RBFOX1: variants seen among roughly 807,000 people sequenced by gnomAD.
RBFOX1 encodes RNA binding protein fox-1 homolog 1.
A neutral mutation model predicts 57.7 loss-of-function variants in RBFOX1; 8 were observed. The observed-to-expected ratio is 0.14, with a 90% CI of 0.08 to 0.25. The LOEUF (loss-of-function observed/expected upper bound fraction) is 0.25, where lower values mean the gene tolerates loss of function less well. RBFOX1 is among the 10% of genes least tolerant of loss of function. The pLI, the probability that RBFOX1 is intolerant of heterozygous loss-of-function variation, is 1.00. For missense variants in RBFOX1, 611 were observed against 548.5 expected (o/e 1.11, Z -1.14); for synonymous variants, 326 against 222.4 (o/e 1.47, Z -4.15).
intron 14 of RBFOX1, among the ~76,000 whole-genome samples, chr16:7,706,872 G>C (rs1002537100): frequency 1.3e-5 from 2 of 152,104 alleles, no homozygotes; most frequent in Non-Finnish European, 2.9e-5. Flanking sequence ...TAAAGGCCCA[G>C]GTCTCAGGAG....
chr16:6,183,486 T>TAAATAAA (rs2097081938), intron 1 of RBFOX1, among the ~76,000 whole-genome samples: 1 of 140,864 alleles, frequency 7.1e-6, no homozygotes, highest in Non-Finnish European at 1.5e-5. Flanking sequence ...TCTAAAAAAA[T>TAAATAAA]TAAATAAATA....
chr16:5,538,877 C>T (rs937077084), intron 2 of RBFOX1, among the ~76,000 whole-genome samples: 1 of 152,150 alleles, frequency 6.6e-6, no homozygotes, highest in Non-Finnish European at 1.5e-5. Flanking sequence ...CTGCCCACCT[C>T]AGCCAGTGGC....
chr16:6,570,092 C>T (rs932501079), intron 2 of RBFOX1, among the ~76,000 whole-genome samples: 2 of 152,072 alleles, frequency 1.3e-5, no homozygotes, highest in South Asian at 4.2e-4. Context: ...TTGACAGTGC[C>T]GTTTAAATAA....
intron 3 of RBFOX1, among the ~76,000 whole-genome samples, chr16:6,801,546 T>A (rs989304619): frequency 4.6e-5 from 7 of 151,940 alleles, no homozygotes; most frequent in African/African-American, 1.7e-4. Context: ...GCCCTTGAAA[T>A]TTAGGGTGCA....
chr16:7,258,110 C>T (rs750247998), intron 4 of RBFOX1, among the ~76,000 whole-genome samples: 1 of 152,168 alleles, frequency 6.6e-6, no homozygotes, highest in Non-Finnish European at 1.5e-5. Flanking sequence ...AATGCCTTTT[C>T]ATAATTCACT....
intron 2 of RBFOX1, among the ~76,000 whole-genome samples, chr16:5,531,313 G>A (rs958728344): frequency 7.9e-5 from 12 of 152,162 alleles, no homozygotes; most frequent in Middle Eastern, 3.4e-3. Flanking sequence ...ACTTCACATT[G>A]TTAAATCCTG....
At chr16:7,333,329 A>G (rs551245451) in intron 4 of RBFOX1, among the ~76,000 whole-genome samples, 1 of 152,310 alleles carries the variant, frequency 6.6e-6, no homozygotes, top group South Asian at 2.1e-4. Flanking sequence ...CTGCTATTTA[A>G]CATTCATGTC....
chr16:7,242,860 A>G (rs2094133666), intron 4 of RBFOX1, among the ~76,000 whole-genome samples: 1 of 152,092 alleles, frequency 6.6e-6, no homozygotes, highest in Admixed American at 6.6e-5. Flanking sequence ...CTGGTGAGAG[A>G]GATATGGAGT....
At position 5,724,281 on chromosome 16, in the gene RBFOX1, C is replaced by G. The variant is rs145445019; in HGVS notation, c.318+125320C>G. Among the ~76,000 whole-genome samples the G allele has an allele frequency of 3.7e-3, 559 of 152,254 alleles. 3 individuals carry two copies. The highest frequency in any genetic ancestry group is 0.012 in the African/African-American group (485 of 41,562). On this transcript the variant is annotated intron_variant, in intron 3 of 19. Coordinates refer to the RBFOX1 transcript ENST00000641259. Reference sequence around the variant, plus strand: ...TGGGGTAGTTGTCAGAGAGGCTGAGCCAGGGCCCTTGCGCACCCTAAAGGC... The same window carrying G: ...TGGGGTAGTTGTCAGAGAGGCTGAGGCAGGGCCCTTGCGCACCCTAAAGGC...
intron 1 of RBFOX1, among the ~76,000 whole-genome samples, chr16:6,285,006 G>C (rs956592349): frequency 6.6e-6 from 1 of 152,160 alleles, no homozygotes; most frequent in Non-Finnish European, 1.5e-5. Flanking sequence ...GGGCTTCAAA[G>C]AAACATTCAC....
intron 4 of RBFOX1, among the ~76,000 whole-genome samples, chr16:5,969,964 C>T (rs1456872235): frequency 2.6e-5 from 4 of 152,084 alleles, no homozygotes; most frequent in Non-Finnish European, 5.9e-5. Flanking sequence ...TCTGTTGCTT[C>T]GCAGCTCACT....
At chr16:6,900,297 G>A (rs76282551) in intron 3 of RBFOX1, among the ~76,000 whole-genome samples, 3,280 of 152,192 alleles carry the variant, frequency 0.022, 131 homozygotes, top group East Asian at 0.14. Flanking sequence ...GTTCATCCAC[G>A]AATATCCTGT....
At chr16:6,788,537 G>C (rs1038204347) in intron 3 of RBFOX1, among the ~76,000 whole-genome samples, 1 of 151,574 alleles carries the variant, frequency 6.6e-6, no homozygotes, top group Non-Finnish European at 1.5e-5. Flanking sequence ...GTGCAGTGGC[G>C]TGATCTCGGC....
At chr16:5,489,511 G>A (rs1157985363) in intron 2 of RBFOX1, among the ~76,000 whole-genome samples, 3 of 152,190 alleles carry the variant, frequency 2.0e-5, no homozygotes, top group Admixed American at 6.5e-5. Flanking sequence ...GCAGGATGAT[G>A]TCCTTGTTTT....
intron 4 of RBFOX1, among the ~76,000 whole-genome samples, chr16:5,936,404 A>G (rs899534438): frequency 1.1e-4 from 17 of 152,186 alleles, no homozygotes; most frequent in African/African-American, 3.6e-4. Flanking sequence ...GATTACAAGT[A>G]TGAGCCACTG....
At chr16:7,370,632 C>T (rs955060785) in intron 4 of RBFOX1, among the ~76,000 whole-genome samples, 1 of 152,182 alleles carries the variant, frequency 6.6e-6, no homozygotes, top group African/African-American at 2.4e-5. Context: ...CTCTCATTAG[C>T]ACATCCTAGG....
intron 4 of RBFOX1, among the ~76,000 whole-genome samples, chr16:7,368,357 T>TA (rs1438719319): frequency 6.6e-6 from 1 of 152,280 alleles, no homozygotes; most frequent in East Asian, 1.9e-4. Flanking sequence ...TTTCCCTGTT[T>TA]ATCTTCAAAA....
intron 3 of RBFOX1, among the ~76,000 whole-genome samples, chr16:6,667,023 A>G (rs1319778321): frequency 6.6e-6 from 1 of 152,112 alleles, no homozygotes; most frequent in African/African-American, 2.4e-5. Flanking sequence ...TTTGATTCAC[A>G]GGTTAACTCT....
At chr16:7,358,905 C>T (rs1481653809) in intron 4 of RBFOX1, among the ~76,000 whole-genome samples, 1 of 152,156 alleles carries the variant, frequency 6.6e-6, no homozygotes, top group Non-Finnish European at 1.5e-5. Flanking sequence ...CCATTCTGCC[C>T]TTGACTCTCT....
Sources: allele counts gnomAD v4.1 joint callset (sites outside exome capture counted in the v4.1 genomes callset), GRCh38; gene constraint gnomAD v4.1.1; transcripts MANE v1.5; gene names NCBI Gene and HGNC (gene_info 2026-07-23, HGNC 2026-07-21).